NUTM1: variants seen among roughly 807,000 people sequenced by gnomAD.
NUTM1 encodes NUT family member 1.
NUTM1 carries 39 observed loss-of-function variants against 88.7 expected under a neutral mutation model. The ratio of observed to expected loss-of-function variants is 0.44; its 90% CI spans 0.34 to 0.57. The LOEUF (loss-of-function observed/expected upper bound fraction) is 0.57, where lower values mean the gene tolerates loss of function less well. Among genes scored for constraint, NUTM1 ranks in the 20% least tolerant of loss-of-function variants. The probability of loss-of-function intolerance (pLI) is 0.01; values close to 1 mark genes in which losing one functional copy is unlikely to be tolerated. For missense variants in NUTM1, 1,350 were observed against 1,414.5 expected (o/e 0.95, Z 0.73); for synonymous variants, 494 against 538.0 (o/e 0.92, Z 1.13).
In NUTM1 at chr15:34,355,612, G is replaced by A. The variant is rs747495135; in HGVS notation, c.1604G>A (p.Arg535Gln). The change falls in exon 8 of 8, where the codon CGG becomes CAG. Residue 535 changes from arginine (R) to glutamine (Q), a missense_variant. Arg to Gln is a conservative substitution (Grantham distance 43, BLOSUM62 1). Transcript: ENST00000537011. This position sits in a 1 kb window ranked among gnomAD's most constrained non-coding sequence, Gnocchi z 4.3. ...GSVEDEDGDG[R>Q]LRPSPGLQGA... ...GTTGAGGATGAAGATGGGGATGGGCGGCTTCGGCCCTCACCTGGGCTTCAG... is the reference window on the plus strand; with the variant it reads ...GTTGAGGATGAAGATGGGGATGGGCAGCTTCGGCCCTCACCTGGGCTTCAG... 6.8e-6 allele frequency: 11 copies of A among 1,613,556 alleles called. No homozygotes were observed. The highest frequency in any genetic ancestry group is 6.7e-5 in the Admixed American group (4 of 59,894).
chr15:34,345,748 A>C, intron 1 of NUTM1, 194 bp from the exon 2 acceptor site: 1 of 695,788 alleles, frequency 1.4e-6, no homozygotes, highest in Non-Finnish European at 2.2e-6. Flanking sequence ...TGTGTTGCCA[A>C]ACTGTAGTTT....
At chr15:34,345,155 G>A (rs1044168712) in intron 1 of NUTM1, among the ~76,000 whole-genome samples, 1 of 152,214 alleles carries the variant, frequency 6.6e-6, no homozygotes, top group Middle Eastern at 3.2e-3. Context: ...AAGGCCTTTT[G>A]GGGGAAATCC....
intron 3 of NUTM1, among the ~76,000 whole-genome samples, chr15:34,350,171 A>G (rs1324711632): frequency 1.3e-5 from 2 of 152,234 alleles, no homozygotes; most frequent in East Asian, 3.8e-4. Context: ...AGGGCTCAAG[A>G]GCCCTCTAGA....
At chr15:34,354,811 C>G (rs1335329456) in intron 6 of NUTM1, 79 bp downstream of exon 6, 2 of 1,411,850 alleles carry the variant, frequency 1.4e-6, no homozygotes, top group African/African-American at 1.4e-5. Context: ...TGGGGTTTGT[C>G]CAATGCAGTA....
At position 34,356,799 on chromosome 15, in the gene NUTM1, A is replaced by G. The variant is rs1289143316; in HGVS notation, c.2791A>G (p.Ile931Val). 4 of 1,611,888 alleles carry G rather than the reference A, an allele frequency of 2.5e-6. No homozygotes were observed. The highest frequency in any genetic ancestry group is 1.7e-5 in the Admixed American group (1 of 59,618). Residue 931 changes from isoleucine (I) to valine (V), a missense_variant, in exon 8 of 8, where the codon ATA becomes GTA. This residue lies in a region of NUTM1 where 730 missense variants were observed against 728.8 expected (regional missense o/e 1.00). Coordinates refer to ENST00000537011, the MANE Select transcript of NUTM1 (RefSeq NM_001284292.2). Reference protein sequence around the residue: ...PLLETIEPVNILDVKDDCGLQ... With the variant: ...PLLETIEPVNVLDVKDDCGLQ... ...GTTGGAAACCATAGAACCTGTCAAC[A>G]TACTAGATGTTAAAGATGACTGTGG...
At position 34,355,588 on chromosome 15, in the gene NUTM1, T is replaced by C; in HGVS notation, c.1580T>C (p.Val527Ala). ...TTGGACTCAAGTCCTTCTGGTTCTG[T>C]TGAGGATGAAGATGGGGATGGGCGG... ...AQLDSSPSGS[V>A]EDEDGDGRLR... Residue 527 changes from valine (V) to alanine (A), a missense_variant, in exon 8 of 8, where the codon GTT becomes GCT. Physicochemically the swap from Val to Ala is moderately conservative, Grantham distance 64. Around this residue, in one of 5 missense-constraint regions of NUTM1, gnomAD observed 126 missense variants for 189.8 expected, o/e 0.66. Transcript: ENST00000537011. This position sits in a 1 kb window ranked among gnomAD's most constrained non-coding sequence, Gnocchi z 4.3. The C allele has an allele frequency of 6.2e-7, 1 of 1,614,096 alleles. No homozygotes were observed. The highest frequency in any genetic ancestry group is 8.5e-7 in the Non-Finnish European group (1 of 1,179,998).
At chr15:34,344,769 A>G (rs1890554818) in intron 1 of NUTM1, among the ~76,000 whole-genome samples, 1 of 152,186 alleles carries the variant, frequency 6.6e-6, no homozygotes, top group Admixed American at 6.5e-5. Context: ...TAGTAATCCC[A>G]GCACTTTGGG....
rs765170193 is a variant in NUTM1, at chr15:34,347,965, A to C, written c.101-4A>C. ...CCATTTCTTCTTTTTCTTTGTCTCAACAGCATCTGCATTGCCGGGACCGGA... is the reference window on the plus strand; with the variant it reads ...CCATTTCTTCTTTTTCTTTGTCTCACCAGCATCTGCATTGCCGGGACCGGA... On this transcript the variant is annotated splice_polypyrimidine_tract_variant and splice_region_variant and intron_variant, in intron 2 of 7. Coordinates refer to ENST00000537011, the MANE Select transcript of NUTM1 (RefSeq NM_001284292.2). 18 of 1,585,500 alleles carry C rather than the reference A, an allele frequency of 1.1e-5. No homozygotes were observed. The highest frequency in any genetic ancestry group is 4.0e-5 in the African/African-American group (3 of 74,168).
In NUTM1 at chr15:34,355,572, A is replaced by G. The variant is rs373788763; in HGVS notation, c.1564A>G (p.Ser522Gly). ...TTTCAGTGGCGCTCAGTTGGACTCA[A>G]GTCCTTCTGGTTCTGTTGAGGATGA... Reference protein sequence around the residue: ...PSFSGAQLDSSPSGSVEDEDG... With the variant: ...PSFSGAQLDSGPSGSVEDEDG... The change falls in exon 8 of 8, where the codon AGT (serine) becomes GGT (glycine). Residue 522 changes from serine (S) to glycine (G), a missense_variant. Physicochemically the swap from Ser to Gly is moderately conservative, Grantham distance 56. Coordinates refer to ENST00000537011, the MANE Select transcript of NUTM1 (RefSeq NM_001284292.2). The surrounding 1 kb of genome is among the most constrained non-coding windows in gnomAD (Gnocchi z 4.3). The G allele has an allele frequency of 1.2e-6, 2 of 1,614,072 alleles. No individual in the cohort carries two copies. The highest frequency in any genetic ancestry group is 1.3e-5 in the African/African-American group (1 of 74,916).
At position 34,355,451 on chromosome 15, in the gene NUTM1, C is replaced by A; in HGVS notation, c.1480-37C>A. ...ACCCACTCAGCCACCTCTTTCACAA[C>A]CACGTATAGAACTGACTATTTGTTC... is the stretch of plus-strand genomic sequence containing the variant. On this transcript the variant is annotated intron_variant, in intron 7 of 7. Transcript: ENST00000537011. This position sits in a 1 kb window ranked among gnomAD's most constrained non-coding sequence, Gnocchi z 4.3. 1 of 1,610,844 alleles carries A rather than the reference C, an allele frequency of 6.2e-7. No individual in the cohort carries two copies.
At chr15:34,353,930 A>ATCTGT (rs1427920996) in intron 5 of NUTM1, 58 bp downstream of exon 5, 2 of 1,583,498 alleles carry the variant, frequency 1.3e-6, no homozygotes. Flanking sequence ...GGATGCATAC[A>ATCTGT]GAAGCCAGTC....
Position 34,345,820 on chromosome 15 carries a change from C to T in NUTM1, c.7-122C>T, listed in dbSNP as rs913014761. ...CCTTCATGGAATATCTGTCCCCACC[C>T]TCACCCCACTTTTCCCTCTCCCCTC... On this transcript the variant is annotated intron_variant, in intron 1 of 7. Transcript: ENST00000537011. 23 of 1,386,414 alleles carry T rather than the reference C, an allele frequency of 1.7e-5. No homozygotes were observed. In the Admixed American group the frequency reaches 2.4e-4, roughly 15 times the overall value. The allele number at this position is 1,386,414 out of a possible 1,614,324, so 85.9% of individuals were successfully genotyped here. A position where few individuals can be genotyped will look rare whatever the true frequency, so the allele number is the denominator to read the frequency against.
Position 34,348,613 on chromosome 15 carries a change from A to C in NUTM1, c.745A>C (p.Lys249Gln), listed in dbSNP as rs1304875881. The change falls in exon 3 of 8, where the codon AAA (lysine) becomes CAA (glutamine). Residue 249 changes from lysine to glutamine, a missense_variant. Lys to Gln is a moderately conservative substitution (Grantham distance 53). Coordinates refer to ENST00000537011, the MANE Select transcript of NUTM1 (RefSeq NM_001284292.2). The stretch of plus-strand genomic sequence containing the variant: ...GAACTTCCGTCAGTGGCAGCGTTAC[A>C]AAGCCTTGGCCCGGAGGCACCTATC... ...YENFRQWQRYKALARRHLSQS... is the reference protein window; with the variant it reads ...YENFRQWQRYQALARRHLSQS... 6.2e-7 allele frequency: 1 copy of C among 1,610,926 alleles called. No individual in the cohort carries two copies. The highest frequency in any genetic ancestry group is 1.3e-5 in the African/African-American group (1 of 74,934).
At chr15:34,349,734 G>A (rs541128887) in intron 3 of NUTM1, among the ~76,000 whole-genome samples, 4 of 152,168 alleles carry the variant, frequency 2.6e-5, no homozygotes, top group South Asian at 2.1e-4. Context: ...CCTCTACCCC[G>A]AACTTGGAGC....
intron 2 of NUTM1, 72 bp downstream of exon 2, chr15:34,346,107 C>T (rs1389253155): frequency 6.7e-7 from 1 of 1,497,928 alleles, no homozygotes; most frequent in Non-Finnish European, 9.3e-7. Flanking sequence ...TCTGGGCTGA[C>T]CTAAAGGAAT....
Position 34,344,712 on chromosome 15 carries a change from A to G in NUTM1, c.6+1010A>G, listed in dbSNP as rs140649419. On this transcript the variant is annotated intron_variant, in intron 1 of 7. Transcript: ENST00000537011. ...ATTTTTGAACCTTGCTAATGTATTT[A>G]TTACCTGTTAAAAATTTTTTAAAGG... Among the ~76,000 whole-genome samples, 374 of 151,762 alleles carry G rather than the reference A, an allele frequency of 2.5e-3. 1 individual carries two copies. The highest frequency in any genetic ancestry group is 8.6e-3 in the African/African-American group (356 of 41,384).
rs774948633 is a variant in NUTM1 at position 34,355,065 on chromosome 15, C to A, written c.1407C>A (p.Ser469=). 6.2e-7 allele frequency: 1 copy of A among 1,613,810 alleles called. No homozygotes were observed. The highest frequency in any genetic ancestry group is 8.5e-7 in the Non-Finnish European group (1 of 1,179,894). ...IHPQFLADLL[S]PEKQRDPLAL... is the part of the protein sequence containing the mutation. ...CTCAATTTCTGGCAGATCTGCTGTCCCCAGAAAAACAGAGAGATCCCTTGG... is the reference window on the plus strand; with the variant it reads ...CTCAATTTCTGGCAGATCTGCTGTCACCAGAAAAACAGAGAGATCCCTTGG... Residue 469 remains serine (S), a synonymous_variant, in exon 7 of 8, where the codon TCC becomes TCA. Transcript: ENST00000537011. The surrounding 1 kb of genome is among the most constrained non-coding windows in gnomAD (Gnocchi z 4.3).
chr15:34,351,912 G>T (rs905974837), intron 4 of NUTM1, among the ~76,000 whole-genome samples: 4 of 149,070 alleles, frequency 2.7e-5, no homozygotes, highest in African/African-American at 9.9e-5. Context: ...GGCTCCGCCT[G>T]TAATCCCAGC....
At chr15:34,346,117 TGTGAG>T (rs1890582103) in intron 2 of NUTM1, 82 bp downstream of exon 2, 12 of 1,391,726 alleles carry the variant, frequency 8.6e-6, no homozygotes, top group Non-Finnish European at 1.1e-5. Context: ...CCTAAAGGAA[TGTGAG>T]GTGCTACACC....
Sources: gnomAD v4.1 joint callset for allele counts (sites outside exome capture counted in the v4.1 genomes callset) on GRCh38, gnomAD v4.1.1 for gene constraint, gnomAD v4.1.1 regional missense constraint, Gnocchi (gnomAD v3.1) non-coding constraint, MANE v1.5 for transcripts, NCBI Gene and HGNC (gene_info 2026-07-23, HGNC 2026-07-21) for gene names.